Variants in C3orf49 observed in about 807,000 individuals in gnomAD.
The protein encoded by C3orf49 is chromosome 3 open reading frame 49.
Under a neutral mutation model 13.3 loss-of-function variants are expected in C3orf49, and 27 were observed. The ratio of observed to expected loss-of-function variants is 2.02; its 90% CI spans 1.49 to 2.79. C3orf49 has a LOEUF of 2.79. Ranked by LOEUF, C3orf49 falls within the 30% of genes most tolerant of loss-of-function variation. C3orf49 has a pLI of 0.00. For missense variants in C3orf49, 242 were observed against 134.2 expected, an observed-to-expected ratio of 1.80 and a Z score of -3.97; for synonymous variants, 87 against 47.6, an observed-to-expected ratio of 1.83 and a Z score of -3.40.
At chr3:63,785,174 G>A in the C3orf49 span, among the ~76,000 whole-genome samples, 4 of 142,458 alleles carry the variant, frequency 2.8e-5, no homozygotes, top group South Asian at 2.4e-4. Context: ...CTGGGTTCAC[G>A]CATTCTCCTG....
rs1420310910 is a variant in C3orf49, at chr3:63,827,628, CAG to C, written c.477_478del (p.Glu159AspfsTer46). 1.4e-6 allele frequency: 1 copy of C among 703,298 alleles called. No individual in the cohort carries two copies. 43.6% of individuals were successfully genotyped at this position (703,298 alleles called of 1,614,324 possible). On this transcript the variant is annotated frameshift_variant, in exon 3 of 7. Coordinates refer to ENST00000295896, the MANE Select transcript of C3orf49 (RefSeq NM_001355236.2). LOFTEE classifies it high-confidence loss of function. ...ACTATACAACTTGATGTTGTAGAGG[CAG>C]AGACAGAGGAGATAACCCAGGGAAA...
At chr3:63,782,908 C>T in the C3orf49 span, 1 of 152,180 alleles carries the variant, frequency 6.6e-6, no homozygotes, top group Non-Finnish European at 1.5e-5. Flanking sequence ...GTGTTAAGAA[C>T]ACTTCAAAAC....
At chr3:63,831,605 A>C in intron 4 of C3orf49, 75 bp from the exon 5 acceptor site, 1 of 668,412 alleles carries the variant, frequency 1.5e-6, no homozygotes, top group South Asian at 1.7e-5. Context: ...TTCTCTCAGG[A>C]AAAGCAACTA....
chr3:63,815,388 T>G (rs1458281689), upstream of C3orf49, among the ~76,000 whole-genome samples: 2 of 152,186 alleles, frequency 1.3e-5, no homozygotes, highest in Non-Finnish European at 2.9e-5. Context: ...CTGGACCAAG[T>G]GCCTACCTAA....
chr3:63,783,090 C>G, the C3orf49 span: 1 of 152,162 alleles, frequency 6.6e-6, no homozygotes, highest in Non-Finnish European at 1.5e-5. Flanking sequence ...GGGTGGTCAA[C>G]TCTCCCAATT....
intron 5 of C3orf49, among the ~76,000 whole-genome samples, chr3:63,833,097 CTTTTT>C (rs748114078): frequency 7.4e-6 from 1 of 135,736 alleles, no homozygotes; most frequent in Non-Finnish European, 1.6e-5. Context: ...GCAAGACAAT[CTTTTT>C]TTTTTTTTTT....
chr3:63,836,272 T>G, intron 5 of C3orf49: 1 of 1,605,422 alleles, frequency 6.2e-7, no homozygotes, highest in Non-Finnish European at 8.5e-7. Context: ...TAAAGGTTAG[T>G]TCCTTTCAAA....
chr3:63,795,170 T>C, the C3orf49 span, among the ~76,000 whole-genome samples: 1 of 152,224 alleles, frequency 6.6e-6, no homozygotes, highest in South Asian at 2.1e-4. Context: ...GATGTTTGCA[T>C]AGGAATGTGA....
At chr3:63,844,167 A>G (rs1701836033) in intron 5 of C3orf49, among the ~76,000 whole-genome samples, 1 of 152,186 alleles carries the variant, frequency 6.6e-6, no homozygotes, top group Non-Finnish European at 1.5e-5. Context: ...ACAGAAATAG[A>G]GAGTATAATG....
chr3:63,847,692 G>A (rs543794032), intron 6 of C3orf49, among the ~76,000 whole-genome samples: 6 of 135,418 alleles, frequency 4.4e-5, no homozygotes, highest in East Asian at 4.2e-4. Flanking sequence ...AGCCAAGATC[G>A]TGCAACTGCA....
Position 63,845,038 on chromosome 3 carries a change from C to T in C3orf49, c.865C>T (p.Pro289Ser), listed in dbSNP as rs777853250. 4 of 699,134 alleles carry T rather than the reference C, an allele frequency of 5.7e-6. No individual in the cohort carries two copies. Among genetic ancestry groups the T allele is most frequent in the Non-Finnish European group, 1.0e-5 (4 of 383,012 alleles). 43.3% of individuals were successfully genotyped at this position (699,134 alleles called of 1,614,324 possible). Residue 289 changes from proline (P) to serine (S), a missense_variant, in exon 6 of 7, where the codon CCT becomes TCT. Physicochemically the swap from Pro to Ser is moderately conservative, Grantham distance 74 (BLOSUM62 -1). Coordinates refer to ENST00000295896, the MANE Select transcript of C3orf49 (RefSeq NM_001355236.2). The stretch of plus-strand genomic sequence containing the variant: ...CTCTTGACAGATGACCACAAAAGGA[C>T]CTGGAGACAGCTGACCTGAGACTCC... ...YKLKNMTTKG[P>S]GDS
chr3:63,827,357 T>G, intron 2 of C3orf49: 1 of 333,040 alleles, frequency 3.0e-6, no homozygotes, highest in Non-Finnish European at 5.4e-6. Flanking sequence ...GAGAGAGAGG[T>G]GGCTACCTTG....
At chr3:63,785,217 G>T in the C3orf49 span, among the ~76,000 whole-genome samples, 1 of 151,496 alleles carries the variant, frequency 6.6e-6, no homozygotes, top group African/African-American at 2.4e-5. Context: ...GACTACATGC[G>T]CCCGCCACCA....
At chr3:63,847,932 A>G (rs931980708) in intron 6 of C3orf49, among the ~76,000 whole-genome samples, 1 of 152,088 alleles carries the variant, frequency 6.6e-6, no homozygotes, top group Non-Finnish European at 1.5e-5. Flanking sequence ...CCATGATGGG[A>G]ATGGGGGTGG....
At chr3:63,789,299 A>G in the C3orf49 span, among the ~76,000 whole-genome samples, 3 of 152,196 alleles carry the variant, frequency 2.0e-5, no homozygotes, top group Admixed American at 6.5e-5. Flanking sequence ...TCCTCCATTC[A>G]TGGAAAAATT....
chr3:63,805,594 C>G, the C3orf49 span, among the ~76,000 whole-genome samples: 1 of 152,182 alleles, frequency 6.6e-6, no homozygotes, highest in Non-Finnish European at 1.5e-5. Context: ...TTCCTCAGGC[C>G]CCACGGGGGC....
intron 5 of C3orf49, chr3:63,837,875 G>A (rs1444436565): frequency 2.0e-6 from 2 of 996,600 alleles, no homozygotes; most frequent in Admixed American, 2.7e-5. Context: ...TTTAATCCAG[G>A]TTGATTCAGG....
upstream of C3orf49, among the ~76,000 whole-genome samples, chr3:63,814,420 T>C (rs1342608217): frequency 6.6e-6 from 1 of 152,058 alleles, no homozygotes; most frequent in Non-Finnish European, 1.5e-5. Flanking sequence ...CCTGCGGTTA[T>C]TCATGTTTGC....
rs910392847 is a variant in C3orf49, at chr3:63,824,448, G to A, written c.445+879G>A. Among the ~76,000 whole-genome samples the A allele has an allele frequency of 7.2e-5, 11 of 152,126 alleles. No individual in the cohort carries two copies. In the East Asian group the frequency reaches 1.2e-3, roughly 16 times the overall value. Reference sequence around the variant, plus strand: ...ATATTTGAACTGTTAACTTTAAGTCGTTTTTGCAACTAGTATTAATGCCAT... The same window carrying A: ...ATATTTGAACTGTTAACTTTAAGTCATTTTTGCAACTAGTATTAATGCCAT... On this transcript the variant is annotated intron_variant, in intron 2 of 6. Coordinates refer to ENST00000295896, the MANE Select transcript of C3orf49 (RefSeq NM_001355236.2).
Sources: gnomAD v4.1 joint callset for allele counts (sites outside exome capture counted in the v4.1 genomes callset) on GRCh38, gnomAD v4.1.1 for gene constraint, MANE v1.5 for transcripts, NCBI Gene and HGNC (gene_info 2026-07-23, HGNC 2026-07-21) for gene names.